Variants in CLC observed in about 807,000 individuals in gnomAD.
CLC encodes galectin-10.
Under a neutral mutation model 13.9 loss-of-function variants are expected in CLC, and 15 were observed. That is an observed-to-expected ratio of 1.08 (90% CI 0.72 to 1.66). The LOEUF (loss-of-function observed/expected upper bound fraction) is 1.66. CLC is among the 40% of genes most tolerant of loss of function. The pLI is 0.00. For synonymous variants in CLC, 68 were observed against 59.9 expected (o/e 1.14, Z -0.63); for missense variants, 161 against 169.1 (o/e 0.95, Z 0.27).
At chr19:39,737,602 AAC>A (rs369473910) in intron 1 of CLC, among the ~76,000 whole-genome samples, 4 of 152,160 alleles carry the variant, frequency 2.6e-5, no homozygotes, top group African/African-American at 9.6e-5. Context: ...ATGAAGACAA[AAC>A]ACAGTCACCT....
chr19:39,736,746 G>A (rs1306634668), intron 1 of CLC, among the ~76,000 whole-genome samples: 3 of 147,598 alleles, frequency 2.0e-5, no homozygotes, highest in Admixed American at 2.0e-4. Context: ...CTGCACTCCA[G>A]CCTGGGAAAC....
rs753530424 is a variant in CLC, at chr19:39,734,328, G to T, written c.258C>A (p.Gly86=). ...VESKNMPFQD[G]QEFELSISVL... ...CTGAGATGCTCAGTTCAAATTCTTG[G>T]CCATCCTGAAAGGGCATATTCTTGG... is the stretch of plus-strand genomic sequence containing the variant. Residue 86 remains glycine, a synonymous_variant, in exon 3 of 4, where the codon GGC becomes GGA. Transcript: ENST00000221804. The T allele has an allele frequency of 6.2e-7, 1 of 1,613,942 alleles. No individual in the cohort carries two copies. Among genetic ancestry groups the T allele is most frequent in the Admixed American group, 1.7e-5 (1 of 60,016 alleles).
At chr19:39,731,591 A>G in intron 3 of CLC, 86 bp from the exon 4 acceptor site, 2 of 1,413,112 alleles carry the variant, frequency 1.4e-6, no homozygotes, top group Non-Finnish European at 9.5e-7. Flanking sequence ...TAGTACCTGA[A>G]ACATCCAACC....
intron 3 of CLC, 124 bp from the exon 4 acceptor site, chr19:39,731,629 C>T: frequency 1.1e-6 from 1 of 907,358 alleles, no homozygotes; most frequent in Non-Finnish European, 1.6e-6. Flanking sequence ...ATATCTGAAC[C>T]CAGTAGACAC....
chr19:39,734,648 T>C (rs1343239774), intron 2 of CLC, among the ~76,000 whole-genome samples, 155 bp from the exon 3 acceptor site: 1 of 152,178 alleles, frequency 6.6e-6, no homozygotes, highest in Non-Finnish European at 1.5e-5. Context: ...CCTTGTGTTC[T>C]CCATGGGTGG....
At position 39,731,461 on chromosome 19, in the gene CLC, G is replaced by A; in HGVS notation, c.348C>T (p.Ile116=). 6.2e-7 allele frequency: 1 copy of A among 1,613,704 alleles called. No homozygotes were observed. Among genetic ancestry groups the A allele is most frequent in the Non-Finnish European group, 8.5e-7 (1 of 1,179,680 alleles). ...GQSSYTFDHR[I]KPEAVKMVQV... is the part of the protein sequence containing the mutation. ...GCACCATCTTCACAGCCTCAGGCTT[G>A]ATTCTATGGTCAAAGGTGTAAGAGG... The change falls in exon 4 of 4, where the codon ATC becomes ATT. Residue 116 remains isoleucine (I), a synonymous_variant. Coordinates refer to ENST00000221804, the MANE Select transcript of CLC (RefSeq NM_001828.6).
intron 3 of CLC, among the ~76,000 whole-genome samples, chr19:39,733,230 T>C (rs1967253227): frequency 6.6e-6 from 1 of 152,152 alleles, no homozygotes; most frequent in African/African-American, 2.4e-5. Flanking sequence ...TATGAGGATA[T>C]TATCTTTAAC....
At position 39,738,015 on chromosome 19, in the gene CLC, T is replaced by G; in HGVS notation, c.-63A>C. 6.4e-7 allele frequency: 1 copy of G among 1,555,546 alleles called. No individual in the cohort carries two copies. Among genetic ancestry groups the G allele is most frequent in the South Asian group, 1.1e-5 (1 of 88,616 alleles). ...CAGACTTCTGTGTGAATCTCTGAGC[T>G]GCAGAATTTAAATGGCCCCTATCAG... On this transcript the variant is annotated 5_prime_UTR_variant, in exon 1 of 4. Coordinates refer to ENST00000221804, the MANE Select transcript of CLC (RefSeq NM_001828.6).
intron 3 of CLC, among the ~76,000 whole-genome samples, chr19:39,733,267 T>C (rs1172220691): frequency 6.6e-6 from 1 of 152,200 alleles, no homozygotes; most frequent in Non-Finnish European, 1.5e-5. Context: ...AAAACACCTC[T>C]GACTTTAATC....
intron 2 of CLC, among the ~76,000 whole-genome samples, chr19:39,734,709 T>G (rs1347410234): frequency 1.3e-5 from 2 of 152,232 alleles, no homozygotes; most frequent in East Asian, 3.9e-4. Flanking sequence ...CCATAGTCAC[T>G]GACTTGGTCA....
intron 3 of CLC, 23 bp downstream of exon 3, chr19:39,734,260 C>T (rs566785841): frequency 1.1e-5 from 17 of 1,607,670 alleles, no homozygotes; most frequent in African/African-American, 2.7e-5. Flanking sequence ...AAGCCGGGTG[C>T]GGGGAGCTCC....
At position 39,734,464 on chromosome 19, in the gene CLC, T is replaced by C. The variant is rs767962291; in HGVS notation, c.122A>G (p.His41Arg). Residue 41 changes from histidine to arginine, a missense_variant, in exon 3 of 4, where the codon CAC becomes CGC. Coordinates refer to ENST00000221804, the MANE Select transcript of CLC (RefSeq NM_001828.6). ...GTCTGATTCCTCCTTCATCTCAGTGTGGAAATCCACCTGCAGATATGGTTC... is the reference window on the plus strand; with the variant it reads ...GTCTGATTCCTCCTTCATCTCAGTGCGGAAATCCACCTGCAGATATGGTTC... ...LNEPYLQVDFHTEMKEESDIV... is the reference protein window; with the variant it reads ...LNEPYLQVDFRTEMKEESDIV... The C allele has an allele frequency of 6.2e-7, 1 of 1,614,104 alleles. No homozygotes were observed. Among genetic ancestry groups the C allele is most frequent in the Non-Finnish European group, 8.5e-7 (1 of 1,179,960 alleles).
intron 2 of CLC, among the ~76,000 whole-genome samples, 189 bp downstream of exon 2, chr19:39,734,808 C>A (rs1407821245): frequency 6.6e-6 from 1 of 152,086 alleles, no homozygotes; most frequent in Non-Finnish European, 1.5e-5. Flanking sequence ...ACTCCTAGAC[C>A]CATGACTAGC....
intron 3 of CLC, among the ~76,000 whole-genome samples, chr19:39,731,969 G>C (rs1002019444): frequency 6.6e-6 from 1 of 152,140 alleles, no homozygotes; most frequent in Non-Finnish European, 1.5e-5. Context: ...AGCTAGTGGC[G>C]GCAAGGAATG....
intron 2 of CLC, 58 bp downstream of exon 2, chr19:39,734,939 C>CTTAGAAAAATT: frequency 7.6e-7 from 1 of 1,309,588 alleles, no homozygotes. Context: ...GAGGTCACCC[C>CTTAGAAAAATT]CTTAGAAAAT....
intron 1 of CLC, among the ~76,000 whole-genome samples, chr19:39,736,594 G>A (rs1372991144): frequency 6.6e-6 from 1 of 151,988 alleles, no homozygotes; most frequent in East Asian, 1.9e-4. Context: ...GGCCAACATG[G>A]AGAAACCCCA....
At chr19:39,736,353 G>C (rs1330838167) in intron 1 of CLC, among the ~76,000 whole-genome samples, 1 of 152,148 alleles carries the variant, frequency 6.6e-6, no homozygotes, top group South Asian at 2.1e-4. Context: ...GAGCACAACC[G>C]CAGTACTTGC....
At chr19:39,733,846 C>T (rs1359867468) in intron 3 of CLC, 13 of 713,566 alleles carry the variant, frequency 1.8e-5, no homozygotes, top group African/African-American at 1.5e-4. Context: ...GAGAAGTCTT[C>T]ATATTGGACT....
intron 1 of CLC, among the ~76,000 whole-genome samples, chr19:39,736,500 C>T (rs1039698008): frequency 6.6e-6 from 1 of 152,102 alleles, no homozygotes; most frequent in South Asian, 2.1e-4. Flanking sequence ...GCAGGCTGGG[C>T]GTGGTGGCTC....
Sources: allele counts gnomAD v4.1 joint callset (sites outside exome capture counted in the v4.1 genomes callset), GRCh38; gene constraint gnomAD v4.1.1; transcripts MANE v1.5; gene names NCBI Gene and HGNC (gene_info 2026-07-23, HGNC 2026-07-21).